The following THADA variants were observed in gnomAD, a reference collection of about 807,000 sequenced individuals.
THADA encodes the protein tRNA (32-2'-O)-methyltransferase regulator THADA.
THADA carries 213 observed loss-of-function variants against 219.8 expected under a neutral mutation model. The observed-to-expected ratio is 0.97, with a 90% CI of 0.87 to 1.09. THADA has a LOEUF of 1.09. Ranked by LOEUF, THADA falls within the 50% of genes least tolerant of loss-of-function variation. THADA has a pLI of 0.00. For synonymous variants in THADA, 1,018 were observed against 828.9 expected (o/e 1.23, Z -3.92); for missense variants, 2,956 against 2,311.3 (o/e 1.28, Z -5.72).
At chr2:43,419,177 G>A (rs1677387279) in intron 28 of THADA, among the ~76,000 whole-genome samples, 1 of 152,184 alleles carries the variant, frequency 6.6e-6, no homozygotes, top group South Asian at 2.1e-4. Context: ...GCACAAAGTA[G>A]GCCCTCAGTA....
chr2:43,398,142 G>A lies in THADA; in HGVS notation c.4059-3C>T, dbSNP rs1674329593. 2 of 1,613,216 alleles carry A rather than the reference G, an allele frequency of 1.2e-6. No individual in the cohort carries two copies. Among genetic ancestry groups the A allele is most frequent in the Non-Finnish European group, 1.7e-6 (2 of 1,179,404 alleles). On this transcript the variant is annotated splice_polypyrimidine_tract_variant and splice_region_variant and intron_variant, in intron 28 of 37. Transcript: ENST00000405975. ...GGTAGACAGGTGAGTGACCACACCT[G>A]GGGAGAAATAAAAACACAAGACCAT...
intron 36 of THADA, among the ~76,000 whole-genome samples, chr2:43,262,925 G>A (rs1178780650): frequency 6.6e-6 from 1 of 152,152 alleles, no homozygotes; most frequent in African/African-American, 2.4e-5. Context: ...TCTTGAGACT[G>A]GCGTCCCCTC....
chr2:43,541,065 A>C, intron 21 of THADA, 94 bp downstream of exon 21: 4 of 1,289,690 alleles, frequency 3.1e-6, no homozygotes, highest in Non-Finnish European at 4.1e-6. Flanking sequence ...TTCAAGAAAA[A>C]TTTTAAACCT....
chr2:43,431,376 C>T (rs1202213347), intron 26 of THADA, among the ~76,000 whole-genome samples: 2 of 152,162 alleles, frequency 1.3e-5, no homozygotes, highest in East Asian at 1.9e-4. Flanking sequence ...AGCAAACTCC[C>T]GCCCCACAAA....
intron 25 of THADA, among the ~76,000 whole-genome samples, chr2:43,493,259 G>A (rs1312939715): frequency 6.6e-6 from 1 of 152,206 alleles, no homozygotes; most frequent in Non-Finnish European, 1.5e-5. Flanking sequence ...CAATCTGGGA[G>A]GACAAGGCGG....
At chr2:43,430,183 T>C (rs1487238030) in intron 27 of THADA, 30 bp downstream of exon 27, 1 of 1,171,802 alleles carries the variant, frequency 8.5e-7, no homozygotes, top group South Asian at 1.7e-5. Flanking sequence ...ATCCTTGAGG[T>C]CATTTTGCCC....
intron 34 of THADA, among the ~76,000 whole-genome samples, chr2:43,287,519 A>G (rs1674178746): frequency 6.6e-6 from 1 of 151,980 alleles, no homozygotes; most frequent in South Asian, 2.1e-4. Flanking sequence ...CTGGTCTCAA[A>G]CTCCTGGCCT....
intron 31 of THADA, among the ~76,000 whole-genome samples, chr2:43,308,707 A>G (rs985829665): frequency 6.8e-6 from 1 of 147,738 alleles, no homozygotes; most frequent in African/African-American, 2.5e-5. Flanking sequence ...GTCTCTAGAA[A>G]CGAAGAAAGA....
chr2:43,250,142 A>G lies in THADA; in HGVS notation c.5297-17260T>C, dbSNP rs567393669. On this transcript the variant is annotated intron_variant, in intron 36 of 37. Transcript: ENST00000405975. ...TATTCACAGTAGCCAAGAGGTGGAA[A>G]CAACACAAATGTCCATCCATTAATG... Among the ~76,000 whole-genome samples, 5 of 152,364 alleles carry G rather than the reference A, an allele frequency of 3.3e-5. No individual in the cohort carries two copies. In the South Asian group the frequency reaches 1.0e-3, roughly 32 times the overall value.
rs778773655 is a variant in THADA, at chr2:43,556,493, T to A, written c.2526A>T (p.Pro842=). The A allele has an allele frequency of 4.6e-5, 75 of 1,613,946 alleles. No individual in the cohort carries two copies. Among genetic ancestry groups the A allele is most frequent in the Non-Finnish European group, 6.2e-5 (73 of 1,179,856 alleles). The part of the protein sequence containing the change: ...AALELSTSTK[P]YDCVTASYLL... ...GGTAGGAAGCTGTCACACAGTCGTA[T>A]GGTTTGGTGCTTGTGCTGAGCTCCA... The change falls in exon 17 of 38, where the codon CCA becomes CCT. Residue 842 remains proline (P), a synonymous_variant. Transcript: ENST00000405975.
intron 24 of THADA, among the ~76,000 whole-genome samples, chr2:43,502,405 C>A (rs1023372418): frequency 6.6e-6 from 1 of 151,866 alleles, no homozygotes; most frequent in Non-Finnish European, 1.5e-5. Flanking sequence ...GTCAACATGG[C>A]AAAACCTCGT....
chr2:43,319,346 T>G (rs1678427456), intron 31 of THADA, among the ~76,000 whole-genome samples: 1 of 152,196 alleles, frequency 6.6e-6, no homozygotes, highest in African/African-American at 2.4e-5. Context: ...GCTTTATAGC[T>G]ATAAAACCAT....
intron 14 of THADA, among the ~76,000 whole-genome samples, chr2:43,567,157 C>T (rs934571278): frequency 6.6e-6 from 1 of 151,694 alleles, no homozygotes; most frequent in Admixed American, 6.6e-5. Context: ...TACCAAAGAT[C>T]CCTGCATTCA....
rs772028849 is a variant in THADA, at chr2:43,242,382, T to C, written c.5297-9500A>G. Among the ~76,000 whole-genome samples the C allele has an allele frequency of 2.6e-5, 4 of 152,348 alleles. No homozygotes were observed. The South Asian group carries it at 8.3e-4, about 32-fold the overall frequency. On this transcript the variant is annotated intron_variant, in intron 36 of 37. Coordinates refer to ENST00000405975, the MANE Select transcript of THADA (RefSeq NM_022065.5). ...CATTTTATACTCAAGGTGACTGACA[T>C]TTAGATAAACAACTTGTTCAAGATC...
chr2:43,298,017 CG>C (rs1159129585), intron 31 of THADA, among the ~76,000 whole-genome samples: 1 of 111,294 alleles, frequency 9.0e-6, no homozygotes, highest in Non-Finnish European at 1.7e-5. Flanking sequence ...GTCAGCCCCC[CG>C]GCCCGGCCAG....
chr2:43,266,440 AC>A (rs1656142022), intron 36 of THADA, among the ~76,000 whole-genome samples: 1 of 152,160 alleles, frequency 6.6e-6, no homozygotes, highest in African/African-American at 2.4e-5. Context: ...AAACAAAAAA[AC>A]AAAAATAAAA....
In THADA at chr2:43,529,526, T is replaced by G. The variant is rs368476521; in HGVS notation, c.3265-1538A>C. Among the ~76,000 whole-genome samples, 113 of 152,344 alleles carry G rather than the reference T, an allele frequency of 7.4e-4. No individual in the cohort carries two copies. In the East Asian group the frequency reaches 0.015, roughly 20 times the overall value. ...CTGTGGCCGGCCAGATTATTTATTTTAAAGAAAACAAAACGGACAATTCAT... is the reference window on the plus strand; with the variant it reads ...CTGTGGCCGGCCAGATTATTTATTTGAAAGAAAACAAAACGGACAATTCAT... On this transcript the variant is annotated intron_variant, in intron 21 of 37. Coordinates refer to ENST00000405975, the MANE Select transcript of THADA (RefSeq NM_022065.5).
At chr2:43,475,061 A>T (rs1223438083) in intron 26 of THADA, among the ~76,000 whole-genome samples, 2 of 152,238 alleles carry the variant, frequency 1.3e-5, no homozygotes, top group Non-Finnish European at 2.9e-5. Flanking sequence ...TTGAGTTCAG[A>T]GACCAAGAAG....
intron 29 of THADA, among the ~76,000 whole-genome samples, chr2:43,394,783 A>C (rs1454843724): frequency 6.6e-6 from 1 of 152,202 alleles, no homozygotes; most frequent in Non-Finnish European, 1.5e-5. Context: ...TCTTTTTCTC[A>C]ACCAGGGTAA....
Sources: gnomAD v4.1 joint callset for allele counts (sites outside exome capture counted in the v4.1 genomes callset) on GRCh38, gnomAD v4.1.1 for gene constraint, MANE v1.5 for transcripts, NCBI Gene and HGNC (gene_info 2026-07-23, HGNC 2026-07-21) for gene names.